The following INS variants were observed in gnomAD, a reference collection of about 807,000 sequenced individuals.
The protein encoded by INS is insulin.
Under a neutral mutation model 10.5 loss-of-function variants are expected in INS, and 6 were observed. That is an observed-to-expected ratio of 0.57 (90% CI 0.31 to 1.13). The LOEUF is 1.13. INS is among the 50% of genes most tolerant of loss of function. The pLI is 0.05. For synonymous variants in INS, 71 were observed against 62.7 expected, an observed-to-expected ratio of 1.13 and a Z score of -0.63; for missense variants, 109 against 138.6, an observed-to-expected ratio of 0.79 and a Z score of 1.07.
intron 2 of INS, 101 bp downstream of exon 2, chr11:2,160,684 G>T: frequency 1.4e-6 from 2 of 1,452,138 alleles, no homozygotes; most frequent in Non-Finnish European, 1.9e-6. Context: ...ACCCCCTGCT[G>T]GGTGGCAGCC....
chr11:2,161,100 G>C, intron 1 of INS, 68 bp downstream of exon 1: 1 of 1,360,346 alleles, frequency 7.4e-7, no homozygotes. Flanking sequence ...CTGCTGCAGA[G>C]CTGGGGCCTG....
chr11:2,160,487 G>A (rs1315877199), intron 2 of INS, among the ~76,000 whole-genome samples: 2 of 152,182 alleles, frequency 1.3e-5, no homozygotes, highest in Non-Finnish European at 2.9e-5. Flanking sequence ...TCAAATGAGG[G>A]TGGAGAAATG....
At chr11:2,161,077 A>G in intron 1 of INS, 89 bp from the exon 2 acceptor site, 1 of 1,458,138 alleles carries the variant, frequency 6.9e-7, no homozygotes, top group Non-Finnish European at 9.2e-7. Flanking sequence ...TCACGAGCCC[A>G]GCCACGTCCT....
rs745923821 is a variant in INS at position 2,159,829 on chromosome 11, G to A, written c.*23C>T. 1.2e-6 allele frequency: 2 copies of A among 1,609,096 alleles called. No homozygotes were observed. Among genetic ancestry groups the A allele is most frequent in the Admixed American group, 1.7e-5 (1 of 59,628 alleles). Reference sequence around the variant, plus strand: ...TCTCTCGGTGCAGGAGGCGGCGGGTGTGGGGCTGCCTGCGGGCTGCGTCTA... The same window carrying A: ...TCTCTCGGTGCAGGAGGCGGCGGGTATGGGGCTGCCTGCGGGCTGCGTCTA... On this transcript the variant is annotated 3_prime_UTR_variant, in exon 3 of 3. Coordinates refer to ENST00000381330, the MANE Select transcript of INS (RefSeq NM_000207.3).
intron 1 of INS, 56 bp downstream of exon 1, chr11:2,161,112 G>T: frequency 7.9e-7 from 1 of 1,267,214 alleles, no homozygotes; most frequent in Non-Finnish European, 1.1e-6. Flanking sequence ...TGGGGCCTGG[G>T]GTCCAGCCAC....
chr11:2,159,944 C>A lies in INS; in HGVS notation c.241G>T (p.Ala81Ser). ...CGCTTCTGCAGGGACCCCTCCAGGG[C>A]CAAGGGCTGCAGGCTGCCTGCACCA... is the stretch of plus-strand genomic sequence containing the variant. ...GPGAGSLQPLALEGSLQKRGI... is the reference protein window; with the variant it reads ...GPGAGSLQPLSLEGSLQKRGI... Residue 81 changes from alanine to serine, a missense_variant, in exon 3 of 3, where the codon GCC (alanine) becomes TCC (serine). By Grantham distance (99) the Ala-to-Ser change is moderately conservative (BLOSUM62 1). Around this residue, in one of 2 missense-constraint regions of INS, gnomAD observed 108 missense variants for 118.0 expected, o/e 0.92. Transcript: ENST00000381330. 6.3e-7 allele frequency: 1 copy of A among 1,596,596 alleles called. No homozygotes were observed. Among genetic ancestry groups the A allele is most frequent in the East Asian group, 2.3e-5 (1 of 44,230 alleles).
At chr11:2,160,667 G>A (rs1249916700) in intron 2 of INS, 118 bp downstream of exon 2, 1 of 1,256,130 alleles carries the variant, frequency 8.0e-7, no homozygotes, top group South Asian at 1.4e-5. Flanking sequence ...TTAAAAAAGT[G>A]CACCTGACCC....
intron 1 of INS, 57 bp downstream of exon 1, chr11:2,161,111 G>A (rs1181365017): frequency 7.9e-7 from 1 of 1,270,824 alleles, no homozygotes; most frequent in Non-Finnish European, 1.1e-6. Flanking sequence ...CTGGGGCCTG[G>A]GGTCCAGCCA....
chr11:2,160,739 G>A, intron 2 of INS, 46 bp downstream of exon 2: 1 of 1,601,774 alleles, frequency 6.2e-7, no homozygotes, highest in Non-Finnish European at 8.5e-7. Context: ...CCAGGAGCAG[G>A]GGGTGGCTGG....
chr11:2,160,004 G>A lies in INS; in HGVS notation c.188-7C>T, dbSNP rs1255026937. 3 of 1,578,312 alleles carry A rather than the reference G, an allele frequency of 1.9e-6. No homozygotes were observed. The highest frequency in any genetic ancestry group is 2.6e-6 in the Non-Finnish European group (3 of 1,166,472). On this transcript the variant is annotated splice_region_variant and splice_polypyrimidine_tract_variant and intron_variant, in intron 2 of 2. Coordinates refer to ENST00000381330, the MANE Select transcript of INS (RefSeq NM_000207.3). The stretch of plus-strand genomic sequence containing the variant: ...CCCAGCTCCACCTGCCCCACTGCCA[G>A]GACGTGCCGCGCAGAGCAGGTTCCG...
intron 2 of INS, 70 bp from the exon 3 acceptor site, chr11:2,160,067 T>C: frequency 6.7e-7 from 1 of 1,491,174 alleles, no homozygotes; most frequent in South Asian, 1.2e-5. Flanking sequence ...GAGGACACAG[T>C]CAGGGAGACA....
Position 2,160,819 on chromosome 11 carries a change from T to G in INS, c.153A>C (p.Thr51=), listed in dbSNP as rs773789432. 2.8e-4 allele frequency: 446 copies of G among 1,612,246 alleles called. No homozygotes were observed. The highest frequency in any genetic ancestry group is 3.4e-4 in the Non-Finnish European group (405 of 1,179,716). The change falls in exon 2 of 3, where the codon ACA becomes ACC. Residue 51 remains threonine (T), a synonymous_variant. Transcript: ENST00000381330. Reference sequence around the variant, plus strand: ...CCTCTGCCTCCCGGCGGGTCTTGGGTGTGTAGAAGAAGCCTCGTTCCCCGC... The same window carrying G: ...CCTCTGCCTCCCGGCGGGTCTTGGGGGTGTAGAAGAAGCCTCGTTCCCCGC... ...LVCGERGFFY[T]PKTRREAEDL...
rs1229594747 is a variant in INS at position 2,159,952 on chromosome 11, T to G, written c.233A>C (p.Gln78Pro). The G allele has an allele frequency of 1.3e-6, 2 of 1,595,122 alleles. No individual in the cohort carries two copies. The highest frequency in any genetic ancestry group is 1.7e-6 in the Non-Finnish European group (2 of 1,172,594). ...LGGGPGAGSL[Q>P]PLALEGSLQK... ...CAGGGACCCCTCCAGGGCCAAGGGC[T>G]GCAGGCTGCCTGCACCAGGGCCCCC... The change falls in exon 3 of 3, where the codon CAG becomes CCG. Residue 78 changes from glutamine to proline, a missense_variant. Gln to Pro is a moderately conservative substitution (Grantham distance 76). Around this residue, in one of 2 missense-constraint regions of INS, gnomAD observed 108 missense variants for 118.0 expected, o/e 0.92. Coordinates refer to ENST00000381330, the MANE Select transcript of INS (RefSeq NM_000207.3).
intron 1 of INS, 56 bp from the exon 2 acceptor site, chr11:2,161,044 C>G: frequency 6.4e-7 from 1 of 1,563,526 alleles, no homozygotes; most frequent in Non-Finnish European, 8.6e-7. Context: ...GCCTTGGGGC[C>G]CCTGGGCTCA....
Position 2,161,130 on chromosome 11 carries a change from T to C in INS, c.-18+38A>G, listed in dbSNP as rs3842741. On this transcript the variant is annotated intron_variant, in intron 1 of 2. Transcript: ENST00000381330. ...GGCCTGGGGTCCAGCCACCCTGGAA[T>C]CCTGAGCCCACCTGACGCAAAGGCC... The C allele has an allele frequency of 1, 1,055,623 of 1,057,688 alleles. 526,818 individuals carry two copies. The highest frequency in any genetic ancestry group is 1 in the East Asian group (38,340 of 38,340). 65.5% of individuals were successfully genotyped at this position (1,057,688 alleles called of 1,614,324 possible). A position where few individuals can be genotyped will look rare whatever the true frequency, so the allele number is the denominator to read the frequency against.
At chr11:2,160,089 T>A (rs2133673989) in intron 2 of INS, 92 bp from the exon 3 acceptor site, 3 of 1,366,368 alleles carry the variant, frequency 2.2e-6, no homozygotes, top group East Asian at 2.5e-5. Context: ...AGTGCCCGCC[T>A]GCCCGCCAGC....
At position 2,160,822 on chromosome 11, in the gene INS, G is replaced by A. The variant is rs1309249512; in HGVS notation, c.150C>T (p.Tyr50=). The A allele has an allele frequency of 8.1e-6, 13 of 1,612,542 alleles. No individual in the cohort carries two copies. The highest frequency in any genetic ancestry group is 8.0e-5 in the African/African-American group (6 of 74,934). ...CTGCCTCCCGGCGGGTCTTGGGTGT[G>A]TAGAAGAAGCCTCGTTCCCCGCACA... is the stretch of plus-strand genomic sequence containing the variant. ...YLVCGERGFF[Y]TPKTRREAED... is the part of the protein sequence containing the mutation. Residue 50 remains tyrosine (Y), a synonymous_variant, in exon 2 of 3, where the codon TAC becomes TAT. Coordinates refer to ENST00000381330, the MANE Select transcript of INS (RefSeq NM_000207.3).
At chr11:2,160,703 C>G (rs534416294) in intron 2 of INS, 82 bp downstream of exon 2, 18 of 1,563,900 alleles carry the variant, frequency 1.2e-5, no homozygotes, top group Admixed American at 1.7e-5. Flanking sequence ...CCTCCTGCCC[C>G]CTTCTGCCCA....
Position 2,159,843 on chromosome 11 carries a change from G to A in INS, c.*9C>T, listed in dbSNP as rs3842752. 0.2 allele frequency: 322,026 copies of A among 1,609,784 alleles called. 34,089 individuals are homozygous for A. The highest frequency in any genetic ancestry group is 0.22 in the Non-Finnish European group (263,030 of 1,178,598). On this transcript the variant is annotated 3_prime_UTR_variant, in exon 3 of 3. Coordinates refer to ENST00000381330, the MANE Select transcript of INS (RefSeq NM_000207.3). ...AGGCGGCGGGTGTGGGGCTGCCTGCGGGCTGCGTCTAGTTGCAGTAGTTCT... is the reference window on the plus strand; with the variant it reads ...AGGCGGCGGGTGTGGGGCTGCCTGCAGGCTGCGTCTAGTTGCAGTAGTTCT...
Sources: gnomAD v4.1 joint callset for allele counts (sites outside exome capture counted in the v4.1 genomes callset) on GRCh38, gnomAD v4.1.1 for gene constraint, gnomAD v4.1.1 regional missense constraint, MANE v1.5 for transcripts, NCBI Gene and HGNC (gene_info 2026-07-23, HGNC 2026-07-21) for gene names.